Variants in STK38 observed in about 807,000 individuals in gnomAD.
STK38 encodes the protein serine/threonine-protein kinase 38.
A neutral mutation model predicts 59.0 loss-of-function variants in STK38; 26 were observed. The ratio of observed to expected loss-of-function variants is 0.44; its 90% CI spans 0.32 to 0.61. The LOEUF (loss-of-function observed/expected upper bound fraction) is 0.61, where lower values mean the gene tolerates loss of function less well. Ranked by LOEUF, STK38 falls within the 20% of genes least tolerant of loss-of-function variation. STK38 has a pLI of 0.04. For synonymous variants in STK38, 175 were observed against 176.6 expected, an observed-to-expected ratio of 0.99 and a Z score of 0.07; for missense variants, 433 against 566.0, an observed-to-expected ratio of 0.76 and a Z score of 2.38.
chr6:36,512,709 G>A (rs777059771), intron 7 of STK38, among the ~76,000 whole-genome samples: 1 of 151,988 alleles, frequency 6.6e-6, no homozygotes, highest in Non-Finnish European at 1.5e-5. Context: ...GGCCAGGCTG[G>A]AGTGCAGTGG....
chr6:36,539,203 T>C (rs867151707), intron 2 of STK38, among the ~76,000 whole-genome samples: 4 of 151,470 alleles, frequency 2.6e-5, no homozygotes, highest in Admixed American at 6.6e-5. Flanking sequence ...CTGGCCAACA[T>C]GGTGAAACCC....
At chr6:36,501,346 T>C (rs2127467677) in intron 9 of STK38, among the ~76,000 whole-genome samples, 1 of 152,318 alleles carries the variant, frequency 6.6e-6, no homozygotes, top group Admixed American at 6.5e-5. Context: ...CCTAATGTAC[T>C]TAACATTTGA....
At chr6:36,498,591 T>C in intron 10 of STK38, 105 bp from the exon 11 acceptor site, 1 of 618,500 alleles carries the variant, frequency 1.6e-6, no homozygotes. Context: ...TCTTTTTTCT[T>C]TTTTTTTTTT....
chr6:36,547,402 G>T lies in STK38; in HGVS notation c.-218C>A, dbSNP rs969522561. 1 of 152,394 alleles carries T rather than the reference G, an allele frequency of 6.6e-6. No individual in the cohort carries two copies. Among genetic ancestry groups the T allele is most frequent in the East Asian group, 1.9e-4 (1 of 5,202 alleles). The allele number at this position is 152,394 out of a possible 1,614,324, so 9.4% of individuals were successfully genotyped here. On this transcript the variant is annotated 5_prime_UTR_variant, in exon 1 of 14. Transcript: ENST00000229812. Reference sequence around the variant, plus strand: ...GTTCCAACTGCCGGAAAAGACGCGAGCGCTGAGGGGCCAAGGCAGCCCGGT... The same window carrying T: ...GTTCCAACTGCCGGAAAAGACGCGATCGCTGAGGGGCCAAGGCAGCCCGGT...
chr6:36,527,207 A>AAAAAAAAAAAAT (rs60162863), intron 2 of STK38, among the ~76,000 whole-genome samples: 1 of 119,354 alleles, frequency 8.4e-6, no homozygotes, highest in African/African-American at 3.5e-5. Context: ...AAAAAAAAAA[A>AAAAAAAAAAAAT]ATATATGTAT....
intron 5 of STK38, among the ~76,000 whole-genome samples, chr6:36,518,548 T>TC (rs1345089753): frequency 2.6e-5 from 4 of 151,958 alleles, no homozygotes; most frequent in South Asian, 2.1e-4. Context: ...TATTATCAAA[T>TC]CCCCCCCACA....
chr6:36,501,748 G>A (rs1776846287), intron 9 of STK38, among the ~76,000 whole-genome samples: 1 of 151,988 alleles, frequency 6.6e-6, no homozygotes, highest in Non-Finnish European at 1.5e-5. Context: ...CATTCGTTTT[G>A]AGATTTATTC....
intron 9 of STK38, among the ~76,000 whole-genome samples, chr6:36,504,055 A>T (rs1461297938): frequency 2.0e-5 from 3 of 152,232 alleles, no homozygotes; most frequent in African/African-American, 7.2e-5. Context: ...GTTGGTTGTT[A>T]ACAGTCATTT....
chr6:36,539,373 G>A (rs1432505331), intron 2 of STK38, among the ~76,000 whole-genome samples: 3 of 146,716 alleles, frequency 2.0e-5, no homozygotes, highest in Non-Finnish European at 4.5e-5. Flanking sequence ...GCAACAGAGT[G>A]AGATTCGATC....
chr6:36,528,269 G>T (rs181371872), intron 2 of STK38, among the ~76,000 whole-genome samples: 11 of 152,302 alleles, frequency 7.2e-5, no homozygotes, highest in Admixed American at 5.9e-4. Context: ...GATGTGATAA[G>T]ATTTCTATTT....
chr6:36,494,399 T>C lies in STK38; in HGVS notation c.*1385A>G, dbSNP rs139275403. The C allele has an allele frequency of 5.9e-5, 9 of 152,748 alleles. No individual in the cohort carries two copies. Among genetic ancestry groups the C allele is most frequent in the East Asian group, 5.8e-4 (3 of 5,178 alleles). The allele number at this position is 152,748 out of a possible 1,614,324, so 9.5% of individuals were successfully genotyped here. A position where few individuals can be genotyped will look rare whatever the true frequency, so the allele number is the denominator to read the frequency against. ...CTTTGCAACAGGCAAAGTTCCCACA[T>C]AGGTGCAAATGATGCTTTAAGAGTT... On this transcript the variant is annotated 3_prime_UTR_variant, in exon 14 of 14. Coordinates refer to ENST00000229812, the MANE Select transcript of STK38 (RefSeq NM_007271.4).
intron 7 of STK38, among the ~76,000 whole-genome samples, chr6:36,514,743 A>G (rs1277896565): frequency 5.3e-5 from 8 of 150,000 alleles, no homozygotes; most frequent in African/African-American, 1.7e-4. Context: ...GCTACTTGGG[A>G]GGCTGAGGCA....
chr6:36,522,351 AG>A (rs1418953509), intron 4 of STK38: 1 of 152,594 alleles, frequency 6.6e-6, no homozygotes, highest in Non-Finnish European at 1.5e-5. Flanking sequence ...AGGGTGGCAG[AG>A]GGGGGGCCCA....
chr6:36,522,246 A>G, intron 4 of STK38: 1 of 156,722 alleles, frequency 6.4e-6, no homozygotes, highest in South Asian at 1.9e-4. Context: ...TTGAGGTAGG[A>G]GGATCGCTTG....
At chr6:36,545,913 A>G (rs1456086024) in intron 1 of STK38, among the ~76,000 whole-genome samples, 2 of 152,210 alleles carry the variant, frequency 1.3e-5, no homozygotes, top group African/African-American at 4.8e-5. Context: ...ATGTGATTCA[A>G]TCTATATGGT....
chr6:36,515,150 A>G (rs1158549286), intron 7 of STK38, among the ~76,000 whole-genome samples, 188 bp downstream of exon 7: 1 of 152,132 alleles, frequency 6.6e-6, no homozygotes, highest in African/African-American at 2.4e-5. Flanking sequence ...TGTTCAACCA[A>G]ATTACAGAAC....
At chr6:36,514,278 C>T (rs1777192578) in intron 7 of STK38, among the ~76,000 whole-genome samples, 1 of 148,036 alleles carries the variant, frequency 6.8e-6, no homozygotes, top group Non-Finnish European at 1.5e-5. Flanking sequence ...TGTGCCACTG[C>T]ACTTCAACCT....
rs1371010490 is a variant in STK38 at position 36,495,725 on chromosome 6, G to A, written c.*59C>T. On this transcript the variant is annotated 3_prime_UTR_variant, in exon 14 of 14. Coordinates refer to ENST00000229812, the MANE Select transcript of STK38 (RefSeq NM_007271.4). The stretch of plus-strand genomic sequence containing the variant: ...TTGGAAGCTCTTCAAGAGTGTGAGA[G>A]GAAAAGCATGATGTTATACAAAGAA... 2 of 1,605,696 alleles carry A rather than the reference G, an allele frequency of 1.2e-6. No individual in the cohort carries two copies. Among genetic ancestry groups the A allele is most frequent in the Non-Finnish European group, 1.7e-6 (2 of 1,174,544 alleles).
chr6:36,541,387 T>C (rs542144003), intron 1 of STK38, among the ~76,000 whole-genome samples: 1 of 151,848 alleles, frequency 6.6e-6, no homozygotes, highest in South Asian at 2.1e-4. Context: ...CTGGACAACA[T>C]AGTGAGACCT....
Sources: gnomAD v4.1 joint callset for allele counts (sites outside exome capture counted in the v4.1 genomes callset) on GRCh38, gnomAD v4.1.1 for gene constraint, MANE v1.5 for transcripts, NCBI Gene and HGNC (gene_info 2026-07-23, HGNC 2026-07-21) for gene names.